The following FAM135A variants were observed in gnomAD, a reference collection of about 807,000 sequenced individuals.
The protein encoded by FAM135A is family with sequence similarity 135 member A.
Under a neutral mutation model 146.8 loss-of-function variants are expected in FAM135A, and 79 were observed. The ratio of observed to expected loss-of-function variants is 0.54; its 90% confidence interval spans 0.45 to 0.65. The LOEUF (loss-of-function observed/expected upper bound fraction) is 0.65. Ranked by LOEUF, FAM135A falls within the 30% of genes least tolerant of loss-of-function variation. The probability of loss-of-function intolerance (pLI) is 0.00; values close to 1 mark genes in which losing one functional copy is unlikely to be tolerated. For missense variants in FAM135A, 1,623 were observed against 1,758.2 expected, an observed-to-expected ratio of 0.92 and a Z score of 1.38; for synonymous variants, 562 against 603.6, an observed-to-expected ratio of 0.93 and a Z score of 1.01.
At chr6:70,511,732 A>G (rs960465627) in intron 12 of FAM135A, among the ~76,000 whole-genome samples, 3 of 151,874 alleles carry the variant, frequency 2.0e-5, no homozygotes, top group South Asian at 4.1e-4. Context: ...TGTGAACATT[A>G]TAGAATATAC....
At chr6:70,543,551 T>A (rs1279292103) in intron 20 of FAM135A, among the ~76,000 whole-genome samples, 1 of 152,216 alleles carries the variant, frequency 6.6e-6, no homozygotes, top group Non-Finnish European at 1.5e-5. Context: ...TCTTACAGTA[T>A]ACAGAAATAT....
chr6:70,536,078 C>T (rs1796739453), intron 18 of FAM135A, 182 bp from the exon 19 acceptor site: 1 of 529,314 alleles, frequency 1.9e-6, no homozygotes, highest in South Asian at 3.0e-5. Flanking sequence ...TGAGGATCTT[C>T]TATACATTCT....
chr6:70,466,090 TTTTTG>T (rs774196359), intron 5 of FAM135A, among the ~76,000 whole-genome samples: 3 of 152,180 alleles, frequency 2.0e-5, no homozygotes, highest in Non-Finnish European at 4.4e-5. Flanking sequence ...ATGGTTGGTT[TTTTTG>T]TTCAGTCCAC....
rs1299130635 is a variant in FAM135A, at chr6:70,435,106, TATA to T, written c.77+6688_77+6690del. ...GTATATATATATATATATATATATA[TATA>T]TTTTTTTTTTTTTTTAGATGGAGTC... On this transcript the variant is annotated intron_variant, in intron 4 of 21. Transcript: ENST00000418814. Among the ~76,000 whole-genome samples, 476 of 68,586 alleles carry T rather than the reference TATA, an allele frequency of 6.9e-3. 2 individuals carry two copies. Among genetic ancestry groups the T allele is most frequent in the African/African-American group, 0.021 (389 of 18,224 alleles). 45.0% of individuals were successfully genotyped at this position (68,586 alleles called of 152,430 possible).
At chr6:70,498,477 C>T (rs1787813314) in intron 11 of FAM135A, among the ~76,000 whole-genome samples, 1 of 152,148 alleles carries the variant, frequency 6.6e-6, no homozygotes, top group Admixed American at 6.5e-5. Context: ...CTATCTCCTT[C>T]AGTTCTGGTC....
At chr6:70,496,787 G>A (rs1269107826) in intron 11 of FAM135A, among the ~76,000 whole-genome samples, 2 of 147,950 alleles carry the variant, frequency 1.4e-5, no homozygotes, top group African/African-American at 2.5e-5. Context: ...TTTTTTTTTG[G>A]TCAGATTTGT....
chr6:70,472,649 A>C lies in FAM135A; in HGVS notation c.158-2761A>C, dbSNP rs146432434. Among the ~76,000 whole-genome samples, 528 of 152,264 alleles carry C rather than the reference A, an allele frequency of 3.5e-3. 2 individuals carry two copies. Among genetic ancestry groups the C allele is most frequent in the Non-Finnish European group, 6.1e-3 (418 of 68,024 alleles). Reference sequence around the variant, plus strand: ...TAGCAAAATGATCCAGTTCCAAATCATATATTGTAATTAATTGTTATGTCT... The same window carrying C: ...TAGCAAAATGATCCAGTTCCAAATCCTATATTGTAATTAATTGTTATGTCT... On this transcript the variant is annotated intron_variant, in intron 5 of 21. Coordinates refer to ENST00000418814, the MANE Select transcript of FAM135A (RefSeq NM_001162529.3).
chr6:70,459,352 G>GTTAA, intron 5 of FAM135A, among the ~76,000 whole-genome samples: 1 of 152,288 alleles, frequency 6.6e-6, no homozygotes, highest in East Asian at 1.9e-4. Context: ...GAATTAGATA[G>GTTAA]TATTATACAG....
intron 2 of FAM135A, 149 bp downstream of exon 2, chr6:70,415,525 T>G (rs1237130647): frequency 1.3e-5 from 2 of 152,182 alleles, no homozygotes; most frequent in Non-Finnish European, 2.9e-5. Flanking sequence ...CTAGCAATTG[T>G]GTATGGTAAG....
intron 7 of FAM135A, 86 bp from the exon 8 acceptor site, chr6:70,477,073 A>G (rs1782750776): frequency 7.6e-7 from 1 of 1,313,644 alleles, no homozygotes; most frequent in East Asian, 2.7e-5. Context: ...AATTAAGTAA[A>G]TAGTTTTTAT....
chr6:70,520,566 C>T (rs1793337950), intron 12 of FAM135A, among the ~76,000 whole-genome samples: 1 of 152,006 alleles, frequency 6.6e-6, no homozygotes, highest in South Asian at 2.1e-4. Flanking sequence ...TTCCTCCTAG[C>T]TTTTGAATAA....
chr6:70,455,537 A>G (rs1778155281), intron 5 of FAM135A, among the ~76,000 whole-genome samples: 1 of 152,194 alleles, frequency 6.6e-6, no homozygotes, highest in African/African-American at 2.4e-5. Context: ...TTGCCATAAT[A>G]GATCATCTTT....
At chr6:70,542,529 G>T (rs117823440) in intron 20 of FAM135A, among the ~76,000 whole-genome samples, 1 of 152,008 alleles carries the variant, frequency 6.6e-6, no homozygotes, top group Non-Finnish European at 1.5e-5. Context: ...CAGAATACTC[G>T]CTGTATACCT....
At position 70,482,060 on chromosome 6, in the gene FAM135A, A is replaced by C; in HGVS notation, c.729A>C (p.Thr243=). 1 of 1,613,788 alleles carries C rather than the reference A, an allele frequency of 6.2e-7. No homozygotes were observed. The highest frequency in any genetic ancestry group is 8.5e-7 in the Non-Finnish European group (1 of 1,179,832). ...FLHHAYRFHY[T]LCATLLLAFK... is the part of the protein sequence containing the mutation. ...ATCATGCGTATCGTTTTCATTATACACTTTGTGCCACTTTGCTGCTAGCCT... is the reference window on the plus strand; with the variant it reads ...ATCATGCGTATCGTTTTCATTATACCCTTTGTGCCACTTTGCTGCTAGCCT... Residue 243 remains threonine, a synonymous_variant, in exon 10 of 22, where the codon ACA becomes ACC. Coordinates refer to ENST00000418814, the MANE Select transcript of FAM135A (RefSeq NM_001162529.3).
At chr6:70,501,511 C>T (rs1788517311) in intron 11 of FAM135A, among the ~76,000 whole-genome samples, 1 of 152,190 alleles carries the variant, frequency 6.6e-6, no homozygotes, top group African/African-American at 2.4e-5. Flanking sequence ...ACGGTTCTGT[C>T]TCGCTGGGGT....
chr6:70,470,420 T>G (rs1781380121), intron 5 of FAM135A, among the ~76,000 whole-genome samples: 1 of 152,192 alleles, frequency 6.6e-6, no homozygotes, highest in African/African-American at 2.4e-5. Context: ...AGTGGCACAA[T>G]CTCGGCTCAC....
At chr6:70,465,164 C>T (rs1780206890) in intron 5 of FAM135A, among the ~76,000 whole-genome samples, 1 of 152,042 alleles carries the variant, frequency 6.6e-6, no homozygotes, top group South Asian at 2.1e-4. Context: ...TTTCACTTAG[C>T]ATAATGTCCT....
intron 12 of FAM135A, among the ~76,000 whole-genome samples, chr6:70,507,388 T>C (rs1275439195): frequency 1.3e-5 from 2 of 152,156 alleles, no homozygotes; most frequent in African/African-American, 4.8e-5. Flanking sequence ...GGTCATTCAG[T>C]GTTTGTACAG....
chr6:70,513,445 A>G (rs1432815464), intron 12 of FAM135A: 1 of 145,484 alleles, frequency 6.9e-6, no homozygotes, highest in East Asian at 2.0e-4. Context: ...AGTAAAATCT[A>G]TAGATCAATT....
Sources: gnomAD v4.1 joint callset for allele counts (sites outside exome capture counted in the v4.1 genomes callset) on GRCh38, gnomAD v4.1.1 for gene constraint, MANE v1.5 for transcripts, NCBI Gene and HGNC (gene_info 2026-07-23, HGNC 2026-07-21) for gene names.